ZFHX2: variants seen among roughly 807,000 people sequenced by gnomAD.
ZFHX2 encodes zinc finger homeobox protein 2.
Under a neutral mutation model 164.8 loss-of-function variants are expected in ZFHX2, and 75 were observed. That is an observed-to-expected ratio of 0.46 (90% CI 0.38 to 0.55). The LOEUF is 0.55. Among genes scored for constraint, ZFHX2 ranks in the 20% least tolerant of loss-of-function variants. The probability of loss-of-function intolerance (pLI) is 0.00; values close to 1 mark genes in which losing one functional copy is unlikely to be tolerated. For synonymous variants in ZFHX2, 1,217 were observed against 1,351.4 expected, an observed-to-expected ratio of 0.90 and a Z score of 2.18; for missense variants, 2,933 against 3,308.0, an observed-to-expected ratio of 0.89 and a Z score of 2.78.
rs1012386238 is a variant in ZFHX2 at position 23,523,256 on chromosome 14, G to A, written c.6686C>T (p.Ser2229Phe). Residue 2229 changes from serine (S) to phenylalanine (F), a missense_variant, in exon 9 of 10, where the codon TCT becomes TTT. By Grantham distance (155) the Ser-to-Phe change is radical (BLOSUM62 -2). Coordinates refer to ENST00000419474, the MANE Select transcript of ZFHX2 (RefSeq NM_033400.3). The surrounding 1 kb of genome is among the most constrained non-coding windows in gnomAD (Gnocchi z 4.1). ...TLPRLAPVLL[S>F]GPALAQPPLG... ...CGGGGGCTGAGCCAGAGCTGGGCCAGATAAGAGGACCGGCGCCAGGCGAGG... is the reference window on the plus strand; with the variant it reads ...CGGGGGCTGAGCCAGAGCTGGGCCAAATAAGAGGACCGGCGCCAGGCGAGG... 2.1e-6 allele frequency: 3 copies of A among 1,436,406 alleles called. No homozygotes were observed. The highest frequency in any genetic ancestry group is 2.9e-5 in the African/African-American group (2 of 69,708). The allele number at this position is 1,436,406 out of a possible 1,614,324, so 89.0% of individuals were successfully genotyped here. A position where few individuals can be genotyped will look rare whatever the true frequency, so the allele number is the denominator to read the frequency against.
intron 1 of ZFHX2, among the ~76,000 whole-genome samples, chr14:23,545,938 C>T (rs1474507081): frequency 2.0e-5 from 3 of 152,222 alleles, no homozygotes; most frequent in African/African-American, 7.2e-5. Context: ...ACTCTTGGCC[C>T]ACCCTCTGCC....
intron 1 of ZFHX2, among the ~76,000 whole-genome samples, chr14:23,538,856 G>A (rs1431435606): frequency 6.6e-6 from 1 of 152,100 alleles, no homozygotes; most frequent in Non-Finnish European, 1.5e-5. Context: ...AGGCAGTGGC[G>A]GTGCTGTGAT....
chr14:23,548,525 A>T (rs1276884951), intron 1 of ZFHX2: 2 of 152,212 alleles, frequency 1.3e-5, no homozygotes, highest in Non-Finnish European at 2.9e-5. Flanking sequence ...CCAAGGCAAT[A>T]CCAGCAATTT....
chr14:23,535,205 G>T lies in ZFHX2; in HGVS notation c.121C>A (p.Pro41Thr), dbSNP rs1472494169. ...TCAGAGGTGGAGGAGGCAGCAGGGG[G>T]ATCTTTGGTGACAGGATCAGAGGGG... Reference protein sequence around the residue: ...STPSDPVTKDPPAASSTSENM... With the variant: ...STPSDPVTKDTPAASSTSENM... The change falls in exon 2 of 10, where the codon CCC (proline) becomes ACC (threonine). Residue 41 changes from proline (P) to threonine (T), a missense_variant. Physicochemically the swap from Pro to Thr is conservative, Grantham distance 38. Transcript: ENST00000419474. The surrounding 1 kb of genome is among the most constrained non-coding windows in gnomAD (Gnocchi z 4.5). 5.9e-6 allele frequency: 9 copies of T among 1,529,136 alleles called. No homozygotes were observed. Among genetic ancestry groups the T allele is most frequent in the Non-Finnish European group, 7.9e-6 (9 of 1,141,182 alleles). The allele number at this position is 1,529,136 out of a possible 1,614,324, so 94.7% of individuals were successfully genotyped here.
At position 23,522,215 on chromosome 14, in the gene ZFHX2, C is replaced by G. The variant is rs544232950; in HGVS notation, c.7466G>C (p.Arg2489Pro). ...GSGGSMPPPL[R>P]VPICTYHCLA... Reference sequence around the variant, plus strand: ...GCAGTGGTAGGTGCAGATGGGCACCCGCAATGGGGGTGGCATGGAGCCCCC... The same window carrying G: ...GCAGTGGTAGGTGCAGATGGGCACCGGCAATGGGGGTGGCATGGAGCCCCC... Residue 2489 changes from arginine to proline, a missense_variant, in exon 10 of 10, where the codon CGG (arginine) becomes CCG (proline). Arg to Pro is a moderately radical substitution (Grantham distance 103, BLOSUM62 -2). Coordinates refer to ENST00000419474, the MANE Select transcript of ZFHX2 (RefSeq NM_033400.3). The G allele has an allele frequency of 2.7e-6, 4 of 1,478,416 alleles. No homozygotes were observed. Among genetic ancestry groups the G allele is most frequent in the Admixed American group, 2.2e-5 (1 of 44,836 alleles). 91.6% of individuals were successfully genotyped at this position (1,478,416 alleles called of 1,614,324 possible).
chr14:23,541,978 G>A (rs1005447818), intron 1 of ZFHX2, among the ~76,000 whole-genome samples: 1 of 152,176 alleles, frequency 6.6e-6, no homozygotes, highest in African/African-American at 2.4e-5. Context: ...CCAAAAGAGA[G>A]AGAAAGAACG....
In ZFHX2 at chr14:23,521,747, G is replaced by T. The variant is rs2138636953; in HGVS notation, c.*215C>A. 1.3e-6 allele frequency: 1 copy of T among 793,100 alleles called. No homozygotes were observed. The highest frequency in any genetic ancestry group is 3.3e-5 in the Admixed American group (1 of 30,324). The allele number at this position is 793,100 out of a possible 1,614,324, so 49.1% of individuals were successfully genotyped here. A position where few individuals can be genotyped will look rare whatever the true frequency, so the allele number is the denominator to read the frequency against. ...GGCTACATCTGCAAGGAGCTGAGGA[G>T]GAGGATCAATGTGTGTGTCTGTGGG... is the stretch of plus-strand genomic sequence containing the variant. On this transcript the variant is annotated 3_prime_UTR_variant, in exon 10 of 10. Transcript: ENST00000419474.
Position 23,531,480 on chromosome 14 carries a change from C to T in ZFHX2, c.2800+1G>A. 7.1e-7 allele frequency: 1 copy of T among 1,401,300 alleles called. No homozygotes were observed. The highest frequency in any genetic ancestry group is 9.3e-7 in the Non-Finnish European group (1 of 1,070,658). 86.8% of individuals were successfully genotyped at this position (1,401,300 alleles called of 1,614,324 possible). A position where few individuals can be genotyped will look rare whatever the true frequency, so the allele number is the denominator to read the frequency against. Reference sequence around the variant, plus strand: ...TTATTCTCCAGTCCCTTCTTCCTCACCGGGAGTCCGGAGCTGCCCGTGGCT... The same window carrying T: ...TTATTCTCCAGTCCCTTCTTCCTCATCGGGAGTCCGGAGCTGCCCGTGGCT... On this transcript the variant is annotated splice_donor_variant, in intron 4 of 9. Transcript: ENST00000419474. LOFTEE classifies it high-confidence loss of function.
At chr14:23,529,831 G>A in intron 5 of ZFHX2, 63 bp from the exon 6 acceptor site, 3 of 1,485,844 alleles carry the variant, frequency 2.0e-6, no homozygotes, top group Non-Finnish European at 2.7e-6. Flanking sequence ...TTGTAGCAGA[G>A]AGCTTCCAGG....
At position 23,532,466 on chromosome 14, in the gene ZFHX2, T is replaced by C. The variant is rs142920026; in HGVS notation, c.2559+101A>G. On this transcript the variant is annotated intron_variant, in intron 3 of 9. Coordinates refer to ENST00000419474, the MANE Select transcript of ZFHX2 (RefSeq NM_033400.3). Reference sequence around the variant, plus strand: ...GGTGCATACTTTCCTTTTTCTCCATTTGTCACCCAGGGTTTTCCTATCACT... The same window carrying C: ...GGTGCATACTTTCCTTTTTCTCCATCTGTCACCCAGGGTTTTCCTATCACT... 143 of 1,358,982 alleles carry C rather than the reference T, an allele frequency of 1.1e-4. No homozygotes were observed. In the East Asian group the frequency reaches 3.6e-3, roughly 34 times the overall value. The allele number at this position is 1,358,982 out of a possible 1,614,324, so 84.2% of individuals were successfully genotyped here.
In ZFHX2 at chr14:23,523,923, C is replaced by A; in HGVS notation, c.6019G>T (p.Glu2007Ter). Residue 2007 changes from glutamate to a stop codon, truncating the protein, a stop_gained, in exon 9 of 10, where the codon GAA becomes TAA. Transcript: ENST00000419474. LOFTEE classifies it high-confidence loss of function. The surrounding 1 kb of genome is among the most constrained non-coding windows in gnomAD (Gnocchi z 4.1). ...TTAGGTGGTTCCTCTGGGCCCTCTT[C>A]CTCACTGGGTGGAGGGGGAGGTAGG... ...PLLPPPPPSE[E>*]EGPEEPPKAS... 6.5e-7 allele frequency: 1 copy of A among 1,536,206 alleles called. No homozygotes were observed. Among genetic ancestry groups the A allele is most frequent in the Non-Finnish European group, 8.7e-7 (1 of 1,146,888 alleles).
At chr14:23,551,861 C>A (rs1881987595), upstream of ZFHX2, among the ~76,000 whole-genome samples, 1 of 152,196 alleles carries the variant, frequency 6.6e-6, no homozygotes, top group Non-Finnish European at 1.5e-5. The surrounding 1 kb of genome is among the most constrained non-coding windows in gnomAD (Gnocchi z 5.3). Flanking sequence ...TTCGCGCCCG[C>A]CCGCCTGCCT....
Position 23,522,316 on chromosome 14 carries a change from C to T in ZFHX2, c.7365G>A (p.Gln2455=). ...VDVTHRYLCR[Q]CKMAFDGEAP... is the part of the protein sequence containing the mutation. ...CCTCCCCGTCAAATGCCATCTTGCA[C>T]TGGCGGCACAGGTAGCGATGGGTTA... The change falls in exon 10 of 10, where the codon CAG becomes CAA. Residue 2455 remains glutamine, a synonymous_variant. Transcript: ENST00000419474. The T allele has an allele frequency of 6.6e-7, 1 of 1,525,490 alleles. No individual in the cohort carries two copies. The highest frequency in any genetic ancestry group is 8.8e-7 in the Non-Finnish European group (1 of 1,140,294). 94.5% of individuals were successfully genotyped at this position (1,525,490 alleles called of 1,614,324 possible). A position where few individuals can be genotyped will look rare whatever the true frequency, so the allele number is the denominator to read the frequency against.
intron 7 of ZFHX2, among the ~76,000 whole-genome samples, chr14:23,527,370 G>C (rs957290008): frequency 3.9e-5 from 6 of 152,170 alleles, no homozygotes; most frequent in African/African-American, 7.2e-5. Context: ...TCCATGAAAT[G>C]CTGCTTTTGT....
chr14:23,529,004 AG>A (rs1879164755), intron 6 of ZFHX2, among the ~76,000 whole-genome samples: 1 of 152,266 alleles, frequency 6.6e-6, no homozygotes, highest in African/African-American at 2.4e-5. Flanking sequence ...GGAGTTAGGA[AG>A]AAAAGATGCT....
At position 23,522,025 on chromosome 14, in the gene ZFHX2, T is replaced by G; in HGVS notation, c.7656A>C (p.Ala2552=). ...SAAVAFAKEE[A]RLPHTDSNPK... ...GGTTGGAGTCCGTGTGAGGTAATCT[T>G]GCTTCCTCTTTGGCAAAAGCCACAG... is the stretch of plus-strand genomic sequence containing the variant. Residue 2552 remains alanine, a synonymous_variant, in exon 10 of 10, where the codon GCA becomes GCC. Transcript: ENST00000419474. The G allele has an allele frequency of 6.5e-7, 1 of 1,536,414 alleles. No homozygotes were observed. The highest frequency in any genetic ancestry group is 8.7e-7 in the Non-Finnish European group (1 of 1,146,914).
Position 23,532,927 on chromosome 14 carries a change from C to G in ZFHX2, c.2199G>C (p.Glu733Asp). 1 of 1,536,188 alleles carries G rather than the reference C, an allele frequency of 6.5e-7. No individual in the cohort carries two copies. Among genetic ancestry groups the G allele is most frequent in the Non-Finnish European group, 8.7e-7 (1 of 1,146,912 alleles). Residue 733 changes from glutamate (E) to aspartate (D), a missense_variant, in exon 3 of 10, where the codon GAG (glutamate) becomes GAC (aspartate). Coordinates refer to ENST00000419474, the MANE Select transcript of ZFHX2 (RefSeq NM_033400.3). ...CTATGCTGCAGTGGTAGAGCAGCAG[C>G]TCCAGGCTGTCTGTGCTGAAGGCCT... Reference protein sequence around the residue: ...VCQAFSTDSLELLLYHCSIGR... With the variant: ...VCQAFSTDSLDLLLYHCSIGR...
At position 23,533,252 on chromosome 14, in the gene ZFHX2, A is replaced by T; in HGVS notation, c.2041+33T>A. 4.5e-6 allele frequency: 5 copies of T among 1,105,190 alleles called. No homozygotes were observed. Among genetic ancestry groups the T allele is most frequent in the Non-Finnish European group, 6.0e-6 (5 of 834,406 alleles). 68.5% of individuals were successfully genotyped at this position (1,105,190 alleles called of 1,614,324 possible). On this transcript the variant is annotated intron_variant, in intron 2 of 9. Transcript: ENST00000419474. The surrounding 1 kb of genome is among the most constrained non-coding windows in gnomAD (Gnocchi z 4.8). ...CACGGAATAGAGTTTGGCCCTGGGG[A>T]GGAGAGAAGAGGGAAGAAGCACAGA... is the stretch of plus-strand genomic sequence containing the variant.
At chr14:23,550,998 C>T (rs537026679) in intron 1 of ZFHX2, among the ~76,000 whole-genome samples, 16 of 152,164 alleles carry the variant, frequency 1.1e-4, no homozygotes, top group African/African-American at 3.4e-4. Flanking sequence ...CTGCCCAACT[C>T]GGCGCGGTCC....
Sources: allele counts gnomAD v4.1 joint callset (sites outside exome capture counted in the v4.1 genomes callset), GRCh38; gene constraint gnomAD v4.1.1; non-coding constraint Gnocchi (gnomAD v3.1); transcripts MANE v1.5; gene names NCBI Gene and HGNC (gene_info 2026-07-23, HGNC 2026-07-21).